The following DACH1 variants were observed in gnomAD, a reference collection of about 807,000 sequenced individuals.
DACH1 encodes the protein dachshund family transcription factor 1.
DACH1 carries 12 observed loss-of-function variants against 54.2 expected under a neutral mutation model. The observed-to-expected ratio is 0.22, with a 90% CI of 0.14 to 0.36. The LOEUF (loss-of-function observed/expected upper bound fraction) is 0.36, where lower values mean the gene tolerates loss of function less well. DACH1 is among the 10% of genes least tolerant of loss of function. The pLI is 1.00. For missense variants in DACH1, 805 were observed against 929.8 expected, an observed-to-expected ratio of 0.87 and a Z score of 1.75; for synonymous variants, 386 against 366.2, an observed-to-expected ratio of 1.05 and a Z score of -0.62.
rs187510467 is a variant in DACH1 at position 71,590,704 on chromosome 13, A to G, written c.1127-17692T>C. Among the ~76,000 whole-genome samples the G allele has an allele frequency of 6.0e-3, 908 of 152,160 alleles. 9 individuals carry two copies. The highest frequency in any genetic ancestry group is 0.021 in the African/African-American group (866 of 41,512). The stretch of plus-strand genomic sequence containing the variant: ...GACATTTTATTTATAAGAATGGGGG[A>G]AAAATAGGATATTATCTAACAATAA... On this transcript the variant is annotated intron_variant, in intron 3 of 10. Coordinates refer to ENST00000613252, the MANE Select transcript of DACH1 (RefSeq NM_080759.6).
intron 1 of DACH1, among the ~76,000 whole-genome samples, chr13:71,719,099 A>T (rs886664734): frequency 7.2e-5 from 11 of 152,166 alleles, no homozygotes; most frequent in Admixed American, 7.2e-4. Flanking sequence ...ACATCTACAC[A>T]TCTTAGTATT....
chr13:71,439,174 G>GATCA lies in DACH1; in HGVS notation c.*1477_*1480dup, dbSNP rs1873784928. 1 of 152,248 alleles carries GATCA rather than the reference G, an allele frequency of 6.6e-6. No individual in the cohort carries two copies. The highest frequency in any genetic ancestry group is 1.5e-5 in the Non-Finnish European group (1 of 67,872). The allele number at this position is 152,248 out of a possible 1,614,324, so 9.4% of individuals were successfully genotyped here. The stretch of plus-strand genomic sequence containing the variant: ...GTTTTGTGGTAATAAATAATGTTAC[G>GATCA]ATCATACAATTTTAAGATGACAGAA... On this transcript the variant is annotated 3_prime_UTR_variant, in exon 11 of 11. Coordinates refer to ENST00000613252, the MANE Select transcript of DACH1 (RefSeq NM_080759.6).
chr13:71,439,690 C>T lies in DACH1; in HGVS notation c.*965G>A, dbSNP rs1566259179. On this transcript the variant is annotated 3_prime_UTR_variant, in exon 11 of 11. Transcript: ENST00000613252. Reference sequence around the variant, plus strand: ...GATCTCATTCATTAATACTGTGACTCCAGACAAATATTTACATGCCTGCAT... The same window carrying T: ...GATCTCATTCATTAATACTGTGACTTCAGACAAATATTTACATGCCTGCAT... 1 of 152,346 alleles carries T rather than the reference C, an allele frequency of 6.6e-6. No homozygotes were observed. Among genetic ancestry groups the T allele is most frequent in the African/African-American group, 2.4e-5 (1 of 41,400 alleles). The allele number at this position is 152,346 out of a possible 1,614,324, so 9.4% of individuals were successfully genotyped here. A position where few individuals can be genotyped will look rare whatever the true frequency, so the allele number is the denominator to read the frequency against.
intron 6 of DACH1, among the ~76,000 whole-genome samples, chr13:71,492,610 T>G (rs1879070065): frequency 6.6e-6 from 1 of 152,040 alleles, no homozygotes; most frequent in Admixed American, 6.6e-5. Flanking sequence ...GGCACCAGGG[T>G]TAAGGTCATT....
At position 71,667,508 on chromosome 13, in the gene DACH1, TTTGGAGGAAG is replaced by T. The variant is rs144739896; in HGVS notation, c.964+14277_964+14286del. On this transcript the variant is annotated intron_variant, in intron 2 of 10. Coordinates refer to ENST00000613252, the MANE Select transcript of DACH1 (RefSeq NM_080759.6). ...TTTCATTAAAATAATGGCATTGGTA[TTTGGAGGAAG>T]TACATATTTCTAAAATGTCTATATT... Among the ~76,000 whole-genome samples the T allele has an allele frequency of 5.5e-3, 836 of 152,274 alleles. 7 individuals are homozygous for T. Among genetic ancestry groups the T allele is most frequent in the African/African-American group, 0.019 (792 of 41,560 alleles).
At chr13:71,774,835 T>C (rs116736655) in intron 1 of DACH1, among the ~76,000 whole-genome samples, 180 of 152,248 alleles carry the variant, frequency 1.2e-3, no homozygotes, top group African/African-American at 4.1e-3. Context: ...TAGGTCACTG[T>C]CATTTTCTAT....
At chr13:71,817,030 G>A (rs749005145) in intron 1 of DACH1, among the ~76,000 whole-genome samples, 7 of 152,044 alleles carry the variant, frequency 4.6e-5, no homozygotes, top group Non-Finnish European at 7.4e-5. Flanking sequence ...ACCTGTGTAG[G>A]AAACCTACGC....
At chr13:71,622,772 C>T (rs1314104946) in intron 3 of DACH1, among the ~76,000 whole-genome samples, 1 of 151,716 alleles carries the variant, frequency 6.6e-6, no homozygotes, top group Non-Finnish European at 1.5e-5. Context: ...TTTATAATTA[C>T]ATGAGGATAT....
intron 6 of DACH1, among the ~76,000 whole-genome samples, chr13:71,546,458 G>C (rs1247630784): frequency 6.6e-6 from 1 of 151,788 alleles, no homozygotes; most frequent in Non-Finnish European, 1.5e-5. Flanking sequence ...TTACTATTTT[G>C]ATATGAAATT....
chr13:71,781,028 G>A (rs951416255), intron 1 of DACH1, among the ~76,000 whole-genome samples: 7 of 152,086 alleles, frequency 4.6e-5, no homozygotes, highest in Non-Finnish European at 8.8e-5. Context: ...CCAGTTACTT[G>A]GGAGGCTAAG....
intron 1 of DACH1, among the ~76,000 whole-genome samples, chr13:71,803,680 A>G (rs1255695355): frequency 6.6e-6 from 1 of 152,184 alleles, no homozygotes; most frequent in African/African-American, 2.4e-5. Context: ...TATTTCGTGG[A>G]AAAAGCTTTA....
intron 6 of DACH1, among the ~76,000 whole-genome samples, chr13:71,545,650 T>C (rs1447739873): frequency 6.6e-6 from 1 of 151,948 alleles, no homozygotes. Context: ...GATTGTCTCA[T>C]CTTCTGAAAG....
In DACH1 at chr13:71,741,111, G is replaced by C. The variant is rs185582477; in HGVS notation, c.849-59201C>G. ...ACTCTCCTCTTAACTCTACAATGCT[G>C]TTTTTATCTTTCCATTTTCTTAGAA... On this transcript the variant is annotated intron_variant, in intron 1 of 10. Coordinates refer to ENST00000613252, the MANE Select transcript of DACH1 (RefSeq NM_080759.6). Among the ~76,000 whole-genome samples the C allele has an allele frequency of 8.1e-4, 123 of 152,230 alleles. 2 individuals are homozygous for C. Among genetic ancestry groups the C allele is most frequent in the Admixed American group, 2.6e-3 (39 of 15,284 alleles).
chr13:71,641,953 ATTATATTAT>A (rs1253789514), intron 2 of DACH1, among the ~76,000 whole-genome samples: 2 of 152,202 alleles, frequency 1.3e-5, no homozygotes, highest in Non-Finnish European at 2.9e-5. Context: ...AATGTGCAGT[ATTATATTAT>A]TCACTTCTCT....
intron 1 of DACH1, among the ~76,000 whole-genome samples, chr13:71,739,744 A>G (rs1225306985): frequency 1.3e-5 from 2 of 152,186 alleles, no homozygotes; most frequent in African/African-American, 4.8e-5. Context: ...GAAGTGGTAC[A>G]CATGTATTTA....
chr13:71,596,523 A>G (rs1395827689), intron 3 of DACH1, among the ~76,000 whole-genome samples: 5 of 152,248 alleles, frequency 3.3e-5, no homozygotes, highest in Admixed American at 6.5e-5. Flanking sequence ...AGAAATATAT[A>G]TGACTTACAG....
At chr13:71,828,315 C>T (rs1888457413) in intron 1 of DACH1, among the ~76,000 whole-genome samples, 1 of 151,944 alleles carries the variant, frequency 6.6e-6, no homozygotes. Flanking sequence ...CGGAAAGGCT[C>T]GGGACAGAGT....
At chr13:71,464,837 A>G (rs1397037475) in intron 10 of DACH1, 1 of 388,248 alleles carries the variant, frequency 2.6e-6, no homozygotes, top group Non-Finnish European at 5.0e-6. Context: ...TTTAGTATCA[A>G]GAGAAATTTC....
rs1874822666 is a variant in DACH1 at position 71,866,543 on chromosome 13, C to CCGCCAA, written c.226_227insTTGGCG (p.Gly75_Gly76insValGly). 1.6e-6 allele frequency: 2 copies of CCGCCAA among 1,241,044 alleles called. No individual in the cohort carries two copies. Among genetic ancestry groups the CCGCCAA allele is most frequent in the African/African-American group, 3.2e-5 (2 of 62,730 alleles). 76.9% of individuals were successfully genotyped at this position (1,241,044 alleles called of 1,614,324 possible). Reference sequence around the variant, plus strand: ...GCCTCCGCTGCCGCCGCCGCCGCCGCCGCCGCCGGTAGAGGTGACTGTGGC... The same window carrying CCGCCAA: ...GCCTCCGCTGCCGCCGCCGCCGCCGCCGCCAACGCCGCCGGTAGAGGTGACTGTGGC... On this transcript the variant is annotated inframe_insertion, in exon 1 of 11. Coordinates refer to ENST00000613252, the MANE Select transcript of DACH1 (RefSeq NM_080759.6).
Sources: gnomAD v4.1 joint callset for allele counts (sites outside exome capture counted in the v4.1 genomes callset) on GRCh38, gnomAD v4.1.1 for gene constraint, MANE v1.5 for transcripts, NCBI Gene and HGNC (gene_info 2026-07-23, HGNC 2026-07-21) for gene names.